The following AGAP1 variants were observed in gnomAD, a reference collection of about 807,000 sequenced individuals.
The protein encoded by AGAP1 is ArfGAP with GTPase domain, ankyrin repeat and PH domain 1.
In AGAP1, 29 loss-of-function variants were observed where a neutral mutation model predicts 105.3. That is an observed-to-expected ratio of 0.28 (90% CI 0.21 to 0.38). AGAP1 has a LOEUF of 0.38. AGAP1 is among the 10% of genes least tolerant of loss of function. The pLI, the probability that AGAP1 is intolerant of heterozygous loss-of-function variation, is 1.00. For synonymous variants in AGAP1, 509 were observed against 485.9 expected, an observed-to-expected ratio of 1.05 and a Z score of -0.63; for missense variants, 998 against 1,165.1, an observed-to-expected ratio of 0.86 and a Z score of 2.09.
rs1012012002 is a variant in AGAP1 at position 235,777,335 on chromosome 2, G to A, written c.674-20424G>A. Among the ~76,000 whole-genome samples, 39 of 152,302 alleles carry A rather than the reference G, an allele frequency of 2.6e-4. No homozygotes were observed. The highest frequency in any genetic ancestry group is 8.7e-4 in the African/African-American group (36 of 41,572). ...ACTGCACTTCAGCCTGGGTGACAGA[G>A]CGAGACTCTGTCTCAAAAAAAAAGA... On this transcript the variant is annotated intron_variant, in intron 6 of 17. Transcript: ENST00000304032. This position sits in a 1 kb window ranked among gnomAD's most constrained non-coding sequence, Gnocchi z 5.1.
chr2:235,619,705 G>A (rs2149268229), intron 1 of AGAP1, among the ~76,000 whole-genome samples: 1 of 152,324 alleles, frequency 6.6e-6, no homozygotes, highest in Non-Finnish European at 1.5e-5. Context: ...ACTAGAAGGG[G>A]ACAAGATTGC....
chr2:235,765,838 C>T (rs1954907144), intron 6 of AGAP1, among the ~76,000 whole-genome samples: 1 of 152,170 alleles, frequency 6.6e-6, no homozygotes, highest in South Asian at 2.1e-4. Flanking sequence ...GGAAATACTC[C>T]CATGCCCGCA....
chr2:235,865,259 C>T lies in AGAP1; in HGVS notation c.1051-18086C>T, dbSNP rs1237897797. On this transcript the variant is annotated intron_variant, in intron 9 of 17. Transcript: ENST00000304032. This position sits in a 1 kb window ranked among gnomAD's most constrained non-coding sequence, Gnocchi z 6.2. Reference sequence around the variant, plus strand: ...CCTGGCCGAATCCAGTCCCGGCCGGCGCTTTGAAGCCTGTGCTGTGCGATT... The same window carrying T: ...CCTGGCCGAATCCAGTCCCGGCCGGTGCTTTGAAGCCTGTGCTGTGCGATT... Among the ~76,000 whole-genome samples, 1 of 152,132 alleles carries T rather than the reference C, an allele frequency of 6.6e-6. No homozygotes were observed. The highest frequency in any genetic ancestry group is 1.5e-5 in the Non-Finnish European group (1 of 68,042).
At position 236,042,140 on chromosome 2, in the gene AGAP1, G is replaced by A. The variant is rs2057567824; in HGVS notation, c.1891+1299G>A. Among the ~76,000 whole-genome samples the A allele has an allele frequency of 6.6e-6, 1 of 152,208 alleles. No homozygotes were observed. The highest frequency in any genetic ancestry group is 2.4e-5 in the African/African-American group (1 of 41,448). ...ATGGACCCTGAGCTCCACTTGGGGAGATGGATCTGGCCAGACCATTTTGAA... is the reference window on the plus strand; with the variant it reads ...ATGGACCCTGAGCTCCACTTGGGGAAATGGATCTGGCCAGACCATTTTGAA... On this transcript the variant is annotated intron_variant, in intron 15 of 17. Coordinates refer to ENST00000304032, the MANE Select transcript of AGAP1 (RefSeq NM_001037131.3). This position sits in a 1 kb window ranked among gnomAD's most constrained non-coding sequence, Gnocchi z 5.6.
chr2:235,875,779 G>C lies in AGAP1; in HGVS notation c.1051-7566G>C, dbSNP rs2049697351. 6.6e-6 allele frequency among the ~76,000 whole-genome samples: 1 copy of C among 152,190 alleles called. No individual in the cohort carries two copies. Among genetic ancestry groups the C allele is most frequent in the African/African-American group, 2.4e-5 (1 of 41,440 alleles). ...TTCCCACTGCCCGACAGTACGTGCA[G>C]TGATTTTGATGGCTGTTTATCCGGA... On this transcript the variant is annotated intron_variant, in intron 9 of 17. Transcript: ENST00000304032. The surrounding 1 kb of genome is among the most constrained non-coding windows in gnomAD (Gnocchi z 4.0).
chr2:235,514,168 A>G (rs867299092), intron 1 of AGAP1, among the ~76,000 whole-genome samples: 2,412 of 151,736 alleles, frequency 0.016, 40 homozygotes, highest in African/African-American at 0.041. Flanking sequence ...GCGCGCACAC[A>G]CACACACACA....
chr2:235,568,098 C>T (rs1248491908), intron 1 of AGAP1, among the ~76,000 whole-genome samples: 1 of 152,104 alleles, frequency 6.6e-6, no homozygotes, highest in Non-Finnish European at 1.5e-5. Context: ...CCACACTGAC[C>T]TCGTGATGTC....
rs997906272 is a variant in AGAP1, at chr2:236,121,912, C to T, written c.2370+1465C>T. Among the ~76,000 whole-genome samples, 1 of 152,078 alleles carries T rather than the reference C, an allele frequency of 6.6e-6. No homozygotes were observed. The highest frequency in any genetic ancestry group is 1.5e-5 in the Non-Finnish European group (1 of 68,016). On this transcript the variant is annotated intron_variant, in intron 17 of 17. Coordinates refer to ENST00000304032, the MANE Select transcript of AGAP1 (RefSeq NM_001037131.3). The surrounding 1 kb of genome is among the most constrained non-coding windows in gnomAD (Gnocchi z 4.9). ...GCCCTCTCCCTATGTTCTCACAGGGCCTTTCCTCTGCACTCGCTCCTGGTA... is the reference window on the plus strand; with the variant it reads ...GCCCTCTCCCTATGTTCTCACAGGGTCTTTCCTCTGCACTCGCTCCTGGTA...
chr2:235,833,207 T>A (rs545016735), intron 9 of AGAP1, among the ~76,000 whole-genome samples: 1 of 152,296 alleles, frequency 6.6e-6, no homozygotes, highest in African/African-American at 2.4e-5. Context: ...GGAAGCACCG[T>A]CGGCCTGCCG....
intron 9 of AGAP1, among the ~76,000 whole-genome samples, chr2:235,822,901 T>C (rs191583207): frequency 6.0e-4 from 91 of 152,312 alleles, no homozygotes; most frequent in Admixed American, 2.2e-3. Flanking sequence ...GAAGGATGGA[T>C]GGCTATTGAT....
rs541551320 is a variant in AGAP1 at position 235,566,720 on chromosome 2, G to C, written c.163+71871G>C. 4 of 639,588 alleles carry C rather than the reference G, an allele frequency of 6.3e-6. No homozygotes were observed. The highest frequency in any genetic ancestry group is 7.8e-6 in the Non-Finnish European group (4 of 513,930). 39.6% of individuals were successfully genotyped at this position (639,588 alleles called of 1,614,324 possible). On this transcript the variant is annotated intron_variant, in intron 1 of 17. Coordinates refer to ENST00000304032, the MANE Select transcript of AGAP1 (RefSeq NM_001037131.3). This position sits in a 1 kb window ranked among gnomAD's most constrained non-coding sequence, Gnocchi z 5.2. ...AGGATGCATATTCAGGCAGGAAGTT[G>C]TTGGGGTTAACATGAGTGGACCCTA... is the stretch of plus-strand genomic sequence containing the variant.
Position 235,553,510 on chromosome 2 carries a change from A to G in AGAP1, c.163+58661A>G, listed in dbSNP as rs1355498531. On this transcript the variant is annotated intron_variant, in intron 1 of 17. Coordinates refer to ENST00000304032, the MANE Select transcript of AGAP1 (RefSeq NM_001037131.3). The surrounding 1 kb of genome is among the most constrained non-coding windows in gnomAD (Gnocchi z 4.5). The stretch of plus-strand genomic sequence containing the variant: ...GCACATGGTGAGTAGTTAGTAAACA[A>G]TTGCTTCTGCTAGAATCATCATTGT... Among the ~76,000 whole-genome samples the G allele has an allele frequency of 2.0e-5, 3 of 152,140 alleles. No individual in the cohort carries two copies. The highest frequency in any genetic ancestry group is 1.3e-4 in the Admixed American group (2 of 15,268).
intron 11 of AGAP1, among the ~76,000 whole-genome samples, chr2:235,925,045 TGGAAG>T (rs1278319697): frequency 3.9e-5 from 6 of 151,900 alleles, no homozygotes; most frequent in East Asian, 1.9e-4. Context: ...CAGGGAAGGA[TGGAAG>T]GGAAGGGAAG....
intron 1 of AGAP1, among the ~76,000 whole-genome samples, chr2:235,571,966 ATATATG>A (rs1167573283): frequency 2.2e-4 from 10 of 46,448 alleles, no homozygotes; most frequent in African/African-American, 1.1e-3. Context: ...GTGTATACAT[ATATATG>A]TATACACACA....
intron 1 of AGAP1, among the ~76,000 whole-genome samples, chr2:235,564,395 TG>T (rs2149143400): frequency 6.6e-6 from 1 of 152,212 alleles, no homozygotes; most frequent in Non-Finnish European, 1.5e-5. Flanking sequence ...GTGCCTTCGG[TG>T]GGGGAAGGAT....
intron 12 of AGAP1, among the ~76,000 whole-genome samples, chr2:235,966,121 GGA>G (rs1269661129): frequency 6.7e-6 from 1 of 150,214 alleles, no homozygotes; most frequent in Non-Finnish European, 1.5e-5. Flanking sequence ...GGAGGAGAGG[GGA>G]GCCCTTTCCT....
chr2:235,569,348 C>T lies in AGAP1; in HGVS notation c.163+74499C>T, dbSNP rs765641796. Among the ~76,000 whole-genome samples the T allele has an allele frequency of 4.6e-5, 7 of 152,104 alleles. No individual in the cohort carries two copies. Among genetic ancestry groups the T allele is most frequent in the Non-Finnish European group, 8.8e-5 (6 of 68,030 alleles). On this transcript the variant is annotated intron_variant, in intron 1 of 17. Transcript: ENST00000304032. This position sits in a 1 kb window ranked among gnomAD's most constrained non-coding sequence, Gnocchi z 5.9. ...GGATCTTGGAGGAAGTACATGACCC[C>T]GAGTGGGTGCCTCTCCTGGCCAGGT...
At chr2:235,791,701 C>A (rs1410780829) in intron 6 of AGAP1, among the ~76,000 whole-genome samples, 1 of 152,118 alleles carries the variant, frequency 6.6e-6, no homozygotes, top group Non-Finnish European at 1.5e-5. Flanking sequence ...GCACACGCCA[C>A]AATGCCTGGC....
intron 3 of AGAP1, among the ~76,000 whole-genome samples, chr2:235,726,588 C>G (rs539505160): frequency 6.6e-6 from 1 of 152,200 alleles, no homozygotes; most frequent in Non-Finnish European, 1.5e-5. Flanking sequence ...CTGCTCCTCC[C>G]GTCTGCCCAT....
Sources: gnomAD v4.1 joint callset for allele counts (sites outside exome capture counted in the v4.1 genomes callset) on GRCh38, gnomAD v4.1.1 for gene constraint, Gnocchi (gnomAD v3.1) non-coding constraint, MANE v1.5 for transcripts, NCBI Gene and HGNC (gene_info 2026-07-23, HGNC 2026-07-21) for gene names.